The following NAALADL2 variants were observed in gnomAD, a reference collection of about 807,000 sequenced individuals.
The protein encoded by NAALADL2 is inactive N-acetylated-alpha-linked acidic dipeptidase-like protein 2.
In NAALADL2, 76 loss-of-function variants were observed where a neutral mutation model predicts 87.2. That is an observed-to-expected ratio of 0.87 (90% CI 0.72 to 1.05). The LOEUF is 1.05. NAALADL2 is among the 50% of genes least tolerant of loss of function. The pLI, the probability that NAALADL2 is intolerant of heterozygous loss-of-function variation, is 0.00. For synonymous variants in NAALADL2, 354 were observed against 331.0 expected (o/e 1.07, Z -0.75); for missense variants, 1,089 against 945.8 (o/e 1.15, Z -1.99).
At chr3:175,026,269 A>G (rs1175257139) in intron 1 of NAALADL2, among the ~76,000 whole-genome samples, 1 of 151,982 alleles carries the variant, frequency 6.6e-6, no homozygotes, top group Non-Finnish European at 1.5e-5. Flanking sequence ...GTGTAATCTC[A>G]TGCACTTTGG....
intron 3 of NAALADL2, among the ~76,000 whole-genome samples, chr3:174,851,902 G>A (rs2109480192): frequency 6.6e-6 from 1 of 152,200 alleles, no homozygotes; most frequent in Middle Eastern, 3.4e-3. Context: ...ATTCATCCCA[G>A]GGATGCAACG....
chr3:174,839,340 A>C (rs536497342), intron 3 of NAALADL2, among the ~76,000 whole-genome samples: 18 of 152,322 alleles, frequency 1.2e-4, no homozygotes, highest in African/African-American at 4.3e-4. Context: ...TACAAAAATC[A>C]ACTCAAGATG....
At chr3:175,702,780 C>T (rs1422559976) in intron 11 of NAALADL2, among the ~76,000 whole-genome samples, 2 of 151,918 alleles carry the variant, frequency 1.3e-5, no homozygotes, top group Non-Finnish European at 2.9e-5. Context: ...CTAAGAATCC[C>T]CTCTACTTGG....
At chr3:175,222,808 A>C (rs1743576443) in intron 2 of NAALADL2, among the ~76,000 whole-genome samples, 1 of 152,190 alleles carries the variant, frequency 6.6e-6, no homozygotes, top group Non-Finnish European at 1.5e-5. Context: ...AGAATACAAC[A>C]TTTTATGAAA....
intron 5 of NAALADL2, among the ~76,000 whole-genome samples, chr3:175,369,814 A>C (rs1344218103): frequency 2.6e-5 from 4 of 152,190 alleles, no homozygotes; most frequent in Non-Finnish European, 5.9e-5. Context: ...CTTCTTCCTA[A>C]ACCCTTCATC....
chr3:174,575,090 A>C (rs868164789), intron 2 of NAALADL2, among the ~76,000 whole-genome samples: 10 of 152,198 alleles, frequency 6.6e-5, no homozygotes, highest in African/African-American at 2.4e-4. Flanking sequence ...GAAACTGACA[A>C]TGGTTTTAAC....
intron 2 of NAALADL2, among the ~76,000 whole-genome samples, chr3:174,691,696 A>G (rs1486280270): frequency 1.3e-5 from 2 of 152,190 alleles, no homozygotes. Flanking sequence ...ACCCATAGTA[A>G]AATTTCTCTA....
At chr3:175,026,473 C>T (rs1344680588) in intron 1 of NAALADL2, among the ~76,000 whole-genome samples, 1 of 141,440 alleles carries the variant, frequency 7.1e-6, no homozygotes, top group African/African-American at 2.7e-5. Flanking sequence ...GGTGAAACCC[C>T]GTCTCTACTA....
At chr3:175,697,898 T>C (rs200693704) in intron 11 of NAALADL2, among the ~76,000 whole-genome samples, 2,046 of 76,640 alleles carry the variant, frequency 0.027, 46 homozygotes, top group Non-Finnish European at 0.035. Context: ...TATATGTATG[T>C]ATACATATAT....
intron 1 of NAALADL2, among the ~76,000 whole-genome samples, chr3:174,935,251 A>G (rs2108440654): frequency 6.6e-6 from 1 of 152,312 alleles, no homozygotes; most frequent in African/African-American, 2.4e-5. Context: ...AATATTAATG[A>G]GGAACTATCT....
At chr3:175,481,009 T>C (rs1270444924) in intron 9 of NAALADL2, among the ~76,000 whole-genome samples, 1 of 151,916 alleles carries the variant, frequency 6.6e-6, no homozygotes, top group African/African-American at 2.4e-5. Flanking sequence ...GAACATTTTT[T>C]CTTTGTGTAA....
At chr3:175,667,241 A>AAAG (rs1733285649) in intron 11 of NAALADL2, among the ~76,000 whole-genome samples, 29 of 91,786 alleles carry the variant, frequency 3.2e-4, no homozygotes, top group African/African-American at 1.4e-3. Flanking sequence ...GAAAGAAAGA[A>AAAG]AAAGAAAGAA....
chr3:174,979,913 C>T (rs1286118241), intron 1 of NAALADL2, among the ~76,000 whole-genome samples: 2 of 152,002 alleles, frequency 1.3e-5, no homozygotes, highest in African/African-American at 2.4e-5. Context: ...TCAATGACTC[C>T]CCATTACCAC....
intron 4 of NAALADL2, among the ~76,000 whole-genome samples, chr3:175,273,940 CTTTG>C (rs1753220184): frequency 6.6e-6 from 1 of 151,146 alleles, no homozygotes; most frequent in African/African-American, 2.4e-5. Context: ...AGAGACATTT[CTTTG>C]TTTTTTTTCA....
At chr3:175,306,510 C>G (rs879593224) in intron 4 of NAALADL2, among the ~76,000 whole-genome samples, 1 of 152,034 alleles carries the variant, frequency 6.6e-6, no homozygotes, top group Admixed American at 6.6e-5. Flanking sequence ...AGTCTCTGTT[C>G]TTATATAAAA....
Position 174,531,035 on chromosome 3 carries a change from A to T in NAALADL2, c.-183-19534A>T, listed in dbSNP as rs867946043. 3.3e-5 allele frequency among the ~76,000 whole-genome samples: 5 copies of T among 152,348 alleles called. No individual in the cohort carries two copies. In the South Asian group the frequency reaches 1.0e-3, roughly 32 times the overall value. ...TATGACTTCTGAAGAAGACAAATAC[A>T]GTCTTAAAGCATTAGGACAAATATA... On this transcript the variant is annotated intron_variant, in intron 1 of 3. Coordinates refer to the NAALADL2 transcript ENST00000434257.
At chr3:175,021,137 A>G (rs1580066509) in intron 1 of NAALADL2, among the ~76,000 whole-genome samples, 1 of 152,048 alleles carries the variant, frequency 6.6e-6, no homozygotes, top group African/African-American at 2.4e-5. Flanking sequence ...GAAAGTTACT[A>G]TCAAAAGAGG....
chr3:175,312,205 G>A (rs1259035332), intron 4 of NAALADL2, among the ~76,000 whole-genome samples: 3 of 152,008 alleles, frequency 2.0e-5, no homozygotes, highest in Non-Finnish European at 4.4e-5. Flanking sequence ...TTTGAGCTTC[G>A]GAAGTAAAAA....
At chr3:174,932,247 A>G (rs1415069298) in intron 1 of NAALADL2, among the ~76,000 whole-genome samples, 1 of 152,150 alleles carries the variant, frequency 6.6e-6, no homozygotes, top group Non-Finnish European at 1.5e-5. Flanking sequence ...CATATCATTA[A>G]CCAGGCACCA....
Sources: gnomAD v4.1 joint callset for allele counts (sites outside exome capture counted in the v4.1 genomes callset) on GRCh38, gnomAD v4.1.1 for gene constraint, MANE v1.5 for transcripts, NCBI Gene and HGNC (gene_info 2026-07-23, HGNC 2026-07-21) for gene names.